The following NAALADL2 variants were observed in gnomAD, a reference collection of about 807,000 sequenced individuals.
NAALADL2 encodes the protein inactive N-acetylated-alpha-linked acidic dipeptidase-like protein 2.
NAALADL2 carries 76 observed loss-of-function variants against 87.2 expected under a neutral mutation model. The ratio of observed to expected loss-of-function variants is 0.87; its 90% CI spans 0.72 to 1.05. The LOEUF (loss-of-function observed/expected upper bound fraction) is 1.05. Among genes scored for constraint, NAALADL2 ranks in the 50% least tolerant of loss-of-function variants. The pLI, the probability that NAALADL2 is intolerant of heterozygous loss-of-function variation, is 0.00. For synonymous variants in NAALADL2, 354 were observed against 331.0 expected, an observed-to-expected ratio of 1.07 and a Z score of -0.75; for missense variants, 1,089 against 945.8, an observed-to-expected ratio of 1.15 and a Z score of -1.99.
At chr3:175,590,009 G>A (rs540281799) in intron 10 of NAALADL2, among the ~76,000 whole-genome samples, 3 of 152,004 alleles carry the variant, frequency 2.0e-5, no homozygotes, top group African/African-American at 4.8e-5. Flanking sequence ...TCAGGAGATC[G>A]AGACCATCCT....
At chr3:174,839,292 C>T (rs111461067) in intron 3 of NAALADL2, among the ~76,000 whole-genome samples, 24,815 of 151,984 alleles carry the variant, frequency 0.16, 2,399 homozygotes, top group African/African-American at 0.26. Context: ...GCTAGCCACA[C>T]GTAGGAAAAT....
chr3:175,172,011 G>A (rs1327154534), intron 2 of NAALADL2, among the ~76,000 whole-genome samples: 9 of 152,200 alleles, frequency 5.9e-5, no homozygotes, highest in African/African-American at 1.9e-4. Flanking sequence ...TAGATTAAGT[G>A]TAGTTAGAAA....
intron 3 of NAALADL2, among the ~76,000 whole-genome samples, chr3:174,823,139 G>T (rs1721608783): frequency 6.6e-6 from 1 of 152,118 alleles, no homozygotes; most frequent in Non-Finnish European, 1.5e-5. Flanking sequence ...ATCAAAGTAG[G>T]TATGATTTAA....
chr3:175,780,346 A>G (rs1750876025), intron 13 of NAALADL2, among the ~76,000 whole-genome samples: 1 of 152,030 alleles, frequency 6.6e-6, no homozygotes, highest in South Asian at 2.1e-4. Flanking sequence ...ACAACACACT[A>G]CACACACATG....
At chr3:174,954,362 A>G (rs1295469191) in intron 1 of NAALADL2, among the ~76,000 whole-genome samples, 1 of 152,144 alleles carries the variant, frequency 6.6e-6, no homozygotes, top group East Asian at 1.9e-4. Context: ...TTAAGTTATT[A>G]AATGAAAACT....
At chr3:174,652,188 G>A (rs375239028) in intron 2 of NAALADL2, among the ~76,000 whole-genome samples, 4 of 152,232 alleles carry the variant, frequency 2.6e-5, no homozygotes, top group African/African-American at 9.6e-5. Context: ...TGGGAATTGT[G>A]GCCTCTGAAT....
intron 2 of NAALADL2, among the ~76,000 whole-genome samples, chr3:174,596,828 T>A (rs1163755202): frequency 6.6e-6 from 1 of 152,224 alleles, no homozygotes; most frequent in Non-Finnish European, 1.5e-5. Context: ...ATGCTAGACA[T>A]CTTTTATTAA....
intron 1 of NAALADL2, among the ~76,000 whole-genome samples, chr3:174,514,343 C>T (rs910525187): frequency 1.3e-5 from 2 of 152,072 alleles, no homozygotes; most frequent in Non-Finnish European, 2.9e-5. Flanking sequence ...ACAACAAAGT[C>T]TCTATGTATA....
chr3:174,698,931 T>TTA (rs370549134), intron 2 of NAALADL2, among the ~76,000 whole-genome samples: 2,412 of 137,742 alleles, frequency 0.018, 43 homozygotes, highest in East Asian at 0.13. Context: ...GTGTATATAT[T>TTA]TATATATATA....
At chr3:174,575,956 C>T (rs537639033) in intron 2 of NAALADL2, among the ~76,000 whole-genome samples, 7 of 152,030 alleles carry the variant, frequency 4.6e-5, no homozygotes, top group South Asian at 2.1e-4. Context: ...CTCCACTTCC[C>T]GGGTTAAAGC....
chr3:175,523,382 G>T (rs1381583812), intron 9 of NAALADL2, among the ~76,000 whole-genome samples: 2 of 152,088 alleles, frequency 1.3e-5, no homozygotes, highest in Non-Finnish European at 2.9e-5. Flanking sequence ...TAGAAACCTT[G>T]CTGTAGATAA....
rs1472332724 is a variant in NAALADL2, at chr3:175,361,388, G to C, written c.1090+37063G>C. 4.7e-5 allele frequency among the ~76,000 whole-genome samples: 7 copies of C among 148,128 alleles called. 1 individual carries two copies. Among genetic ancestry groups the C allele is most frequent in the Non-Finnish European group, 9.0e-5 (6 of 66,594 alleles). ...ATCCTTTGGGTATATACCCAGTAAT[G>C]GGATTGGTGGGTCAAATGGTATTTC... is the stretch of plus-strand genomic sequence containing the variant. On this transcript the variant is annotated intron_variant, in intron 5 of 13. Coordinates refer to ENST00000454872, the MANE Select transcript of NAALADL2 (RefSeq NM_207015.3).
chr3:175,138,554 C>G (rs1298755697), intron 2 of NAALADL2, among the ~76,000 whole-genome samples: 1 of 151,496 alleles, frequency 6.6e-6, no homozygotes, highest in Admixed American at 6.6e-5. Context: ...TTTTTGCCAC[C>G]AAATGAGTTT....
chr3:174,924,817 G>T (rs1045272041), intron 1 of NAALADL2, among the ~76,000 whole-genome samples: 1 of 152,184 alleles, frequency 6.6e-6, no homozygotes, highest in African/African-American at 2.4e-5. Context: ...GGCCAGTGAT[G>T]ATGAGCATTT....
At chr3:174,786,019 G>T (rs974822051) in intron 3 of NAALADL2, among the ~76,000 whole-genome samples, 20 of 152,204 alleles carry the variant, frequency 1.3e-4, no homozygotes, top group African/African-American at 4.8e-4. Context: ...GATTAGCTGT[G>T]GCATCTTTAT....
intron 2 of NAALADL2, among the ~76,000 whole-genome samples, chr3:175,130,138 C>T (rs1424811863): frequency 6.6e-6 from 1 of 152,054 alleles, no homozygotes; most frequent in East Asian, 1.9e-4. Context: ...GTTTCTTCCC[C>T]ATTTTTAAAA....
At chr3:175,128,050 T>C (rs145950628) in intron 2 of NAALADL2, among the ~76,000 whole-genome samples, 202 of 152,302 alleles carry the variant, frequency 1.3e-3, no homozygotes, top group African/African-American at 4.0e-3. Context: ...AATAGAAATA[T>C]ATTTTGTATG....
chr3:175,099,508 C>T (rs1452866527), intron 2 of NAALADL2, among the ~76,000 whole-genome samples: 1 of 152,138 alleles, frequency 6.6e-6, no homozygotes, highest in African/African-American at 2.4e-5. Context: ...GCTCCTCATC[C>T]AAAAATATCT....
intron 4 of NAALADL2, among the ~76,000 whole-genome samples, chr3:175,308,730 C>T (rs1757995560): frequency 6.6e-6 from 1 of 152,108 alleles, no homozygotes; most frequent in Non-Finnish European, 1.5e-5. Flanking sequence ...TAACTTTGAC[C>T]TCTGATGGGT....
Sources: gnomAD v4.1 joint callset for allele counts (sites outside exome capture counted in the v4.1 genomes callset) on GRCh38, gnomAD v4.1.1 for gene constraint, MANE v1.5 for transcripts, NCBI Gene and HGNC (gene_info 2026-07-23, HGNC 2026-07-21) for gene names.